Variants in EFNA2 observed in about 807,000 individuals in gnomAD.
EFNA2 encodes the protein ephrin-A2.
In EFNA2, 18 loss-of-function variants were observed where a neutral mutation model predicts 19.7. The observed-to-expected ratio is 0.91, with a 90% CI of 0.63 to 1.35. The LOEUF is 1.35. Ranked by LOEUF, EFNA2 falls within the 40% of genes most tolerant of loss-of-function variation. EFNA2 has a pLI of 0.00. For synonymous variants in EFNA2, 187 were observed against 137.8 expected (o/e 1.36, Z -2.50); for missense variants, 303 against 296.0 (o/e 1.02, Z -0.17).
In EFNA2 at chr19:1,300,000, ACCTCGGC is replaced by A. The variant is rs2144627038; in HGVS notation, c.*60_*66del. Reference sequence around the variant, plus strand: ...TGGACGGCCCCGCCTGGACCGCCTGACCTCGGCCCTCCGGACCCGGCTGCGGCCCCCG... The same window carrying A: ...TGGACGGCCCCGCCTGGACCGCCTGACCTCCGGACCCGGCTGCGGCCCCCG... On this transcript the variant is annotated 3_prime_UTR_variant, in exon 4 of 4. Coordinates refer to ENST00000215368, the MANE Select transcript of EFNA2 (RefSeq NM_001405.4). 7 of 1,542,658 alleles carry A rather than the reference ACCTCGGC, an allele frequency of 4.5e-6. No homozygotes were observed. The South Asian group carries it at 7.1e-5, about 16-fold the overall frequency.
chr19:1,298,427 T>C (rs551429414), intron 2 of EFNA2, 124 bp from the exon 3 acceptor site: 1 of 890,722 alleles, frequency 1.1e-6, no homozygotes, highest in East Asian at 2.7e-5. Context: ...GATTAGGAGT[T>C]TTAAGGGTGG....
rs1456959816 is a variant in EFNA2 at position 1,286,588 on chromosome 19, T to C, written c.140+280T>C. ...CAGAGCGCCGACGTCTCCTGGAGTTTGGGGAACCCCTCTGGTACCCTCCGA... is the reference window on the plus strand; with the variant it reads ...CAGAGCGCCGACGTCTCCTGGAGTTCGGGGAACCCCTCTGGTACCCTCCGA... On this transcript the variant is annotated intron_variant, in intron 1 of 3. Transcript: ENST00000215368. This position sits in a 1 kb window ranked among gnomAD's most constrained non-coding sequence, Gnocchi z 5.6. 6.6e-6 allele frequency among the ~76,000 whole-genome samples: 1 copy of C among 152,058 alleles called. No individual in the cohort carries two copies. Among genetic ancestry groups the C allele is most frequent in the Non-Finnish European group, 1.5e-5 (1 of 67,968 alleles).
At position 1,287,766 on chromosome 19, in the gene EFNA2, G is replaced by A. The variant is rs1489728770; in HGVS notation, c.140+1458G>A. ...TTAAGGCTGTCGCTGGCCGTGCGGG[G>A]AGTCCAGCGGGCAGCGCTTCCCCGG... On this transcript the variant is annotated intron_variant, in intron 1 of 3. Transcript: ENST00000215368. This position sits in a 1 kb window ranked among gnomAD's most constrained non-coding sequence, Gnocchi z 6.2. 6.6e-6 allele frequency among the ~76,000 whole-genome samples: 1 copy of A among 152,260 alleles called. No homozygotes were observed. Among genetic ancestry groups the A allele is most frequent in the Non-Finnish European group, 1.5e-5 (1 of 68,042 alleles).
In EFNA2 at chr19:1,287,714, C is replaced by T. The variant is rs112615504; in HGVS notation, c.140+1406C>T. Among the ~76,000 whole-genome samples, 2 of 152,186 alleles carry T rather than the reference C, an allele frequency of 1.3e-5. No individual in the cohort carries two copies. The highest frequency in any genetic ancestry group is 2.4e-5 in the African/African-American group (1 of 41,444). On this transcript the variant is annotated intron_variant, in intron 1 of 3. Coordinates refer to ENST00000215368, the MANE Select transcript of EFNA2 (RefSeq NM_001405.4). This position sits in a 1 kb window ranked among gnomAD's most constrained non-coding sequence, Gnocchi z 6.2. ...CCTCAGAGCGGGTCCCCGAGCCGCC[C>T]GCTGTGCTGGTCACATGTGGGTTTG...
intron 1 of EFNA2, among the ~76,000 whole-genome samples, chr19:1,290,128 C>T (rs1005028978): frequency 2.0e-5 from 3 of 151,930 alleles, no homozygotes; most frequent in South Asian, 2.1e-4. Flanking sequence ...CGGAGCCCTG[C>T]GGTGGGTGCG....
At position 1,296,938 on chromosome 19, in the gene EFNA2, T is replaced by G. The variant is rs1379489636; in HGVS notation, c.454+1080T>G. 3.3e-5 allele frequency among the ~76,000 whole-genome samples: 5 copies of G among 152,202 alleles called. No homozygotes were observed. The highest frequency in any genetic ancestry group is 7.3e-5 in the Non-Finnish European group (5 of 68,040). Reference sequence around the variant, plus strand: ...CGGAGGTCCGAAGCTGGCCTTTTTGTCCCTACGAAAGGCCAACGGCAGGTG... The same window carrying G: ...CGGAGGTCCGAAGCTGGCCTTTTTGGCCCTACGAAAGGCCAACGGCAGGTG... On this transcript the variant is annotated intron_variant, in intron 2 of 3. Transcript: ENST00000215368. The surrounding 1 kb of genome is among the most constrained non-coding windows in gnomAD (Gnocchi z 4.4).
Position 1,287,911 on chromosome 19 carries a change from C to T in EFNA2, c.140+1603C>T, listed in dbSNP as rs992408857. Among the ~76,000 whole-genome samples, 5 of 152,262 alleles carry T rather than the reference C, an allele frequency of 3.3e-5. No homozygotes were observed. The highest frequency in any genetic ancestry group is 2.1e-4 in the South Asian group (1 of 4,834). On this transcript the variant is annotated intron_variant, in intron 1 of 3. Coordinates refer to ENST00000215368, the MANE Select transcript of EFNA2 (RefSeq NM_001405.4). The surrounding 1 kb of genome is among the most constrained non-coding windows in gnomAD (Gnocchi z 6.2). ...GGGGGAGGAAGGTGGTCACCAGGGC[C>T]GTCCTGCTGCCCCACCTGCCACAGG...
intron 1 of EFNA2, among the ~76,000 whole-genome samples, chr19:1,290,417 G>A (rs542687509): frequency 3.9e-5 from 6 of 152,190 alleles, no homozygotes; most frequent in African/African-American, 1.2e-4. Context: ...GTTCCGTGGC[G>A]GGGGGCCGTG....
In EFNA2 at chr19:1,295,930, C is replaced by T. The variant is rs1263960388; in HGVS notation, c.454+72C>T. 100 of 321,910 alleles carry T rather than the reference C, an allele frequency of 3.1e-4. No individual in the cohort carries two copies. The highest frequency in any genetic ancestry group is 5.2e-4 in the Non-Finnish European group (95 of 183,436). The allele number at this position is 321,910 out of a possible 1,614,324, so 19.9% of individuals were successfully genotyped here. The stretch of plus-strand genomic sequence containing the variant: ...CGCGGGGGCGGGGCCAGGAAGTGGG[C>T]GGGACCACTGGGGTGGGGCCGGGGA... On this transcript the variant is annotated intron_variant, in intron 2 of 3. Coordinates refer to ENST00000215368, the MANE Select transcript of EFNA2 (RefSeq NM_001405.4). This position sits in a 1 kb window ranked among gnomAD's most constrained non-coding sequence, Gnocchi z 5.8.
rs1186394527 is a variant in EFNA2 at position 1,297,417 on chromosome 19, A to G, written c.455-1134A>G. ...AGACGGCAGTTTCATAAAGATAATT[A>G]TTGTAATTATTCGTCCTACCTCTGT... On this transcript the variant is annotated intron_variant, in intron 2 of 3. Transcript: ENST00000215368. This position sits in a 1 kb window ranked among gnomAD's most constrained non-coding sequence, Gnocchi z 5.0. Among the ~76,000 whole-genome samples the G allele has an allele frequency of 1.3e-5, 2 of 152,166 alleles. No homozygotes were observed. Among genetic ancestry groups the G allele is most frequent in the African/African-American group, 4.8e-5 (2 of 41,436 alleles).
chr19:1,290,375 G>A (rs1285770919), intron 1 of EFNA2, among the ~76,000 whole-genome samples: 5 of 152,202 alleles, frequency 3.3e-5, no homozygotes, highest in Non-Finnish European at 7.4e-5. Context: ...GGCCTCCCTG[G>A]GCGGCCTCAG....
At position 1,290,473 on chromosome 19, in the gene EFNA2, C is replaced by T. The variant is rs557184461; in HGVS notation, c.140+4165C>T. On this transcript the variant is annotated intron_variant, in intron 1 of 3. Transcript: ENST00000215368. ...TCCCCCGTCTCTGGGCTGACGTCTC[C>T]GCAGGTCTGCAGGGGACTGGCCCTA... is the stretch of plus-strand genomic sequence containing the variant. Among the ~76,000 whole-genome samples, 637 of 152,282 alleles carry T rather than the reference C, an allele frequency of 4.2e-3. 8 individuals are homozygous for T. Among genetic ancestry groups the T allele is most frequent in the Non-Finnish European group, 3.4e-3 (230 of 68,016 alleles).
rs1192346106 is a variant in EFNA2 at position 1,298,594 on chromosome 19, G to A, written c.498G>A (p.Leu166=). Residue 166 remains leucine, a synonymous_variant, in exon 3 of 4, where the codon CTG becomes CTA. Transcript: ENST00000215368. The part of the protein sequence containing the change: ...PNAVDRPCLR[L]KVYVRPTNET... ...CTGTGGACCGGCCCTGCCTGCGACTGAAGGTGTACGTGCGGCCGACCAGTA... is the reference window on the plus strand; with the variant it reads ...CTGTGGACCGGCCCTGCCTGCGACTAAAGGTGTACGTGCGGCCGACCAGTA... 1.9e-6 allele frequency: 3 copies of A among 1,614,018 alleles called. No homozygotes were observed. The highest frequency in any genetic ancestry group is 2.5e-6 in the Non-Finnish European group (3 of 1,179,996).
chr19:1,289,118 C>G (rs551340423), intron 1 of EFNA2, among the ~76,000 whole-genome samples: 2 of 152,346 alleles, frequency 1.3e-5, no homozygotes, highest in South Asian at 4.1e-4. Context: ...TTACATGTGT[C>G]TGTGTGTGGC....
chr19:1,296,308 G>C lies in EFNA2; in HGVS notation c.454+450G>C, dbSNP rs967882575. Among the ~76,000 whole-genome samples, 8 of 152,180 alleles carry C rather than the reference G, an allele frequency of 5.3e-5. No homozygotes were observed. The highest frequency in any genetic ancestry group is 5.9e-5 in the Non-Finnish European group (4 of 68,016). The stretch of plus-strand genomic sequence containing the variant: ...GCTCAGCCCCCCGATAGCGAGACCA[G>C]GGTGCCCGAGCCCCAGCACACTGAT... On this transcript the variant is annotated intron_variant, in intron 2 of 3. Coordinates refer to ENST00000215368, the MANE Select transcript of EFNA2 (RefSeq NM_001405.4). This position sits in a 1 kb window ranked among gnomAD's most constrained non-coding sequence, Gnocchi z 4.4.
intron 1 of EFNA2, among the ~76,000 whole-genome samples, chr19:1,291,031 A>G (rs1488455179): frequency 2.0e-5 from 3 of 152,054 alleles, no homozygotes; most frequent in African/African-American, 7.2e-5. Flanking sequence ...GGGGCCCCCA[A>G]TTCAGGGACA....
At chr19:1,293,345 C>A (rs979508394) in intron 1 of EFNA2, among the ~76,000 whole-genome samples, 2 of 152,244 alleles carry the variant, frequency 1.3e-5, no homozygotes, top group African/African-American at 4.8e-5. Flanking sequence ...CAATGAGATG[C>A]CTGTGCCCGG....
chr19:1,290,762 G>A (rs1426138232), intron 1 of EFNA2, among the ~76,000 whole-genome samples: 5 of 152,206 alleles, frequency 3.3e-5, no homozygotes, highest in Non-Finnish European at 7.4e-5. Flanking sequence ...GCTGGGGGAA[G>A]GGCTGAGCTG....
chr19:1,299,730 C>G, intron 3 of EFNA2, 94 bp from the exon 4 acceptor site: 6 of 1,456,634 alleles, frequency 4.1e-6, no homozygotes, highest in Non-Finnish European at 5.4e-6. Context: ...GTGATGAGCC[C>G]GTTGGGCAGA....
Sources: allele counts gnomAD v4.1 joint callset (sites outside exome capture counted in the v4.1 genomes callset), GRCh38; gene constraint gnomAD v4.1.1; non-coding constraint Gnocchi (gnomAD v3.1); transcripts MANE v1.5; gene names NCBI Gene and HGNC (gene_info 2026-07-23, HGNC 2026-07-21).